TDRD3: variants seen among roughly 807,000 people sequenced by gnomAD.
The protein encoded by TDRD3 is tudor domain-containing protein 3.
TDRD3 carries 45 observed loss-of-function variants against 86.7 expected under a neutral mutation model. That is an observed-to-expected ratio of 0.52 (90% confidence interval 0.41 to 0.67). The LOEUF (loss-of-function observed/expected upper bound fraction) is 0.67. TDRD3 is among the 30% of genes least tolerant of loss of function. The pLI, the probability that TDRD3 is intolerant of heterozygous loss-of-function variation, is 0.00. For missense variants in TDRD3, 814 were observed against 889.0 expected (o/e 0.92, Z 1.07); for synonymous variants, 298 against 301.7 (o/e 0.99, Z 0.13).
rs527628822 is a variant in TDRD3, at chr13:60,471,895, T to G, written c.495+4516T>G. On this transcript the variant is annotated intron_variant, in intron 5 of 13. Coordinates refer to ENST00000377881, the MANE Select transcript of TDRD3 (RefSeq NM_001146070.2). Reference sequence around the variant, plus strand: ...GCCTTATTTAGCCCTGGCTAAAACTTTTAATATAGTGTTGAATGGAAGTGA... The same window carrying G: ...GCCTTATTTAGCCCTGGCTAAAACTGTTAATATAGTGTTGAATGGAAGTGA... 2.0e-5 allele frequency among the ~76,000 whole-genome samples: 3 copies of G among 152,294 alleles called. No individual in the cohort carries two copies. The East Asian group carries it at 5.8e-4, about 29-fold the overall frequency.
chr13:60,512,348 T>C lies in TDRD3; in HGVS notation c.1141+1593T>C, dbSNP rs541356702. 1.5e-4 allele frequency among the ~76,000 whole-genome samples: 23 copies of C among 152,108 alleles called. 1 individual carries two copies. The highest frequency in any genetic ancestry group is 5.3e-4 in the African/African-American group (22 of 41,490). On this transcript the variant is annotated intron_variant, in intron 10 of 13. Coordinates refer to ENST00000377881, the MANE Select transcript of TDRD3 (RefSeq NM_001146070.2). ...GTGGGCATTCAAGATGAGATTTGGG[T>C]GGGGACACAGCCAAACCATATCGTT...
chr13:60,397,234 G>A lies in TDRD3; in HGVS notation c.-131G>A, dbSNP rs923913150. The A allele has an allele frequency of 3.9e-6, 2 of 508,628 alleles. No homozygotes were observed. Among genetic ancestry groups the A allele is most frequent in the African/African-American group, 4.0e-5 (2 of 50,336 alleles). The allele number at this position is 508,628 out of a possible 1,614,324, so 31.5% of individuals were successfully genotyped here. A position where few individuals can be genotyped will look rare whatever the true frequency, so the allele number is the denominator to read the frequency against. The stretch of plus-strand genomic sequence containing the variant: ...GCGCCGGCCGCACTGAGCATGCCCA[G>A]TTGCAGAGCCGACCAGAGGAGTTTT... On this transcript the variant is annotated 5_prime_UTR_variant, in exon 1 of 14. Coordinates refer to ENST00000377881, the MANE Select transcript of TDRD3 (RefSeq NM_001146070.2).
intron 13 of TDRD3, among the ~76,000 whole-genome samples, chr13:60,573,305 C>T (rs1269764925): frequency 6.6e-6 from 1 of 152,074 alleles, no homozygotes; most frequent in Non-Finnish European, 1.5e-5. Context: ...GGTAATCCTC[C>T]GTTACAAACA....
chr13:60,523,210 C>T (rs1205703367), intron 10 of TDRD3, among the ~76,000 whole-genome samples: 1 of 152,098 alleles, frequency 6.6e-6, no homozygotes, highest in East Asian at 1.9e-4. Context: ...TGATTTTCTA[C>T]TACAAAATGC....
chr13:60,565,898 C>G (rs1958448438), intron 12 of TDRD3, among the ~76,000 whole-genome samples: 1 of 152,068 alleles, frequency 6.6e-6, no homozygotes, highest in African/African-American at 2.4e-5. Flanking sequence ...CTTTTAATTG[C>G]TTTGCTAAAT....
rs139458605 is a variant in TDRD3, at chr13:60,425,887, T to G, written c.42-13801T>G. 9.8e-5 allele frequency among the ~76,000 whole-genome samples: 15 copies of G among 152,290 alleles called. No individual in the cohort carries two copies. The East Asian group carries it at 2.7e-3, about 27-fold the overall frequency. Reference sequence around the variant, plus strand: ...GGTTTTTGTAACATTTTCTTTTTATTGTAGGAATATAGTACATTATACATA... The same window carrying G: ...GGTTTTTGTAACATTTTCTTTTTATGGTAGGAATATAGTACATTATACATA... On this transcript the variant is annotated intron_variant, in intron 1 of 13. Transcript: ENST00000377881.
intron 1 of TDRD3, among the ~76,000 whole-genome samples, chr13:60,401,251 A>G (rs1305090664): frequency 6.6e-6 from 1 of 152,228 alleles, no homozygotes. Flanking sequence ...ATAAAAAAAA[A>G]TAAAAATAAC....
chr13:60,476,682 A>T (rs1223921001), intron 5 of TDRD3, among the ~76,000 whole-genome samples: 1 of 152,052 alleles, frequency 6.6e-6, no homozygotes, highest in Non-Finnish European at 1.5e-5. Flanking sequence ...GTTCTTGCCA[A>T]TATCTGTGGG....
chr13:60,523,573 C>CTTTT (rs67692021), intron 10 of TDRD3, among the ~76,000 whole-genome samples: 16 of 105,020 alleles, frequency 1.5e-4, no homozygotes, highest in East Asian at 2.7e-4. Flanking sequence ...ATACATTTTT[C>CTTTT]TTTTTTTTTT....
At chr13:60,404,350 A>G (rs1043528672) in intron 1 of TDRD3, among the ~76,000 whole-genome samples, 1 of 137,600 alleles carries the variant, frequency 7.3e-6, no homozygotes, top group Non-Finnish European at 1.5e-5. Flanking sequence ...TCGCTCTGTC[A>G]CCCAGGCTGG....
At chr13:60,400,296 A>C (rs1327065218) in intron 1 of TDRD3, among the ~76,000 whole-genome samples, 7 of 152,210 alleles carry the variant, frequency 4.6e-5, no homozygotes, top group African/African-American at 1.7e-4. Context: ...GATCACTGTG[A>C]GTGGAAATAT....
chr13:60,521,873 G>A (rs1430899787), intron 10 of TDRD3, among the ~76,000 whole-genome samples: 1 of 151,962 alleles, frequency 6.6e-6, no homozygotes, highest in Non-Finnish European at 1.5e-5. Flanking sequence ...CTCCAGCCTG[G>A]GCAACAAGAG....
chr13:60,510,563 ATATT>A (rs1957034464), intron 9 of TDRD3, 63 bp from the exon 10 acceptor site: 1 of 1,358,444 alleles, frequency 7.4e-7, no homozygotes, highest in African/African-American at 1.5e-5. Context: ...TGTTGGTTAT[ATATT>A]AGTATATATT....
At chr13:60,527,175 T>A (rs1566274006) in intron 10 of TDRD3, among the ~76,000 whole-genome samples, 1 of 152,180 alleles carries the variant, frequency 6.6e-6, no homozygotes. Context: ...TGACCTGTTT[T>A]GTCACTCAGT....
At chr13:60,519,752 A>G (rs1957251822) in intron 10 of TDRD3, among the ~76,000 whole-genome samples, 1 of 152,334 alleles carries the variant, frequency 6.6e-6, no homozygotes, top group East Asian at 1.9e-4. Context: ...TGACCTTGTC[A>G]AGCCTCTTTA....
At chr13:60,446,613 A>T (rs564322002) in intron 3 of TDRD3, among the ~76,000 whole-genome samples, 132 of 152,270 alleles carry the variant, frequency 8.7e-4, no homozygotes, top group African/African-American at 3.1e-3. Context: ...ATTAATGAAG[A>T]TGTTTTGAAA....
At chr13:60,464,084 C>T (rs1211142171) in intron 4 of TDRD3, among the ~76,000 whole-genome samples, 1 of 152,132 alleles carries the variant, frequency 6.6e-6, no homozygotes, top group Non-Finnish European at 1.5e-5. Context: ...GCATATACCC[C>T]TTTGCCTTCT....
chr13:60,422,461 A>C (rs1377745021), intron 1 of TDRD3, among the ~76,000 whole-genome samples: 1 of 152,072 alleles, frequency 6.6e-6, no homozygotes, highest in Non-Finnish European at 1.5e-5. Flanking sequence ...CCCCAAAACA[A>C]CCGTGAACTA....
chr13:60,465,502 C>G (rs1195037377), intron 4 of TDRD3, among the ~76,000 whole-genome samples: 1 of 152,098 alleles, frequency 6.6e-6, no homozygotes, highest in Non-Finnish European at 1.5e-5. Context: ...TGATTGATCA[C>G]TAAAAATGAT....
Sources: allele counts gnomAD v4.1 joint callset (sites outside exome capture counted in the v4.1 genomes callset), GRCh38; gene constraint gnomAD v4.1.1; transcripts MANE v1.5; gene names NCBI Gene and HGNC (gene_info 2026-07-23, HGNC 2026-07-21).